Variants in IP6K3 observed in about 807,000 individuals in gnomAD.
The protein encoded by IP6K3 is inositol hexakisphosphate kinase 3, also known as ATP:1D-myo-inositol-hexakisphosphate phosphotransferase.
Under a neutral mutation model 28.8 loss-of-function variants are expected in IP6K3, and 20 were observed. The ratio of observed to expected loss-of-function variants is 0.70; its 90% CI spans 0.49 to 1.01. The LOEUF is 1.01. Ranked by LOEUF, IP6K3 falls within the 50% of genes least tolerant of loss-of-function variation. The probability of loss-of-function intolerance (pLI) is 0.00; values close to 1 mark genes in which losing one functional copy is unlikely to be tolerated. For missense variants in IP6K3, 480 were observed against 537.1 expected (o/e 0.89, Z 1.05); for synonymous variants, 213 against 221.3 (o/e 0.96, Z 0.33).
rs575019448 is a variant in IP6K3 at position 33,733,327 on chromosome 6, G to T, written c.199+1951C>A. ...GGGGCTGACCTGAAGGGGAAAGCAG[G>T]GTGGAGCAGAGGCCTGAACAGAGAT... On this transcript the variant is annotated intron_variant, in intron 2 of 5. Transcript: ENST00000293756. Among the ~76,000 whole-genome samples the T allele has an allele frequency of 5.2e-5, 8 of 152,382 alleles. No individual in the cohort carries two copies. The South Asian group carries it at 1.2e-3, about 24-fold the overall frequency.
chr6:33,747,210 G>T (rs994108027), upstream of IP6K3, among the ~76,000 whole-genome samples: 1 of 152,186 alleles, frequency 6.6e-6, no homozygotes, highest in Non-Finnish European at 1.5e-5. The surrounding 1 kb of genome is among the most constrained non-coding windows in gnomAD (Gnocchi z 5.2). Context: ...CAAAAGGAAA[G>T]GGGTGAGTCT....
the IP6K3 span, among the ~76,000 whole-genome samples, chr6:33,755,101 G>A: frequency 6.6e-6 from 1 of 152,150 alleles, no homozygotes; most frequent in Non-Finnish European, 1.5e-5. Flanking sequence ...AGGGTCGTGG[G>A]GCTCTCTTGA....
upstream of IP6K3, among the ~76,000 whole-genome samples, chr6:33,748,250 A>T (rs550074747): frequency 2.0e-5 from 3 of 151,900 alleles, no homozygotes; most frequent in African/African-American, 7.3e-5. Context: ...GTCCCTCCAG[A>T]CCTGTTGGTG....
the IP6K3 span, among the ~76,000 whole-genome samples, chr6:33,759,368 C>A: frequency 1.3e-4 from 20 of 152,216 alleles, no homozygotes; most frequent in Admixed American, 1.3e-3. Context: ...CCTCTGCCTC[C>A]CGCGGAGAGA....
rs746814270 is a variant in IP6K3, at chr6:33,723,018, A to T, written c.935T>A (p.Val312Asp). Reference protein sequence around the residue: ...ILHQLRALLSVIRSQSSYRFY... With the variant: ...ILHQLRALLSDIRSQSSYRFY... ...GCGGTATGAACTCTGGCTCCTAATGACAGAGAGGAGGGCCCGGAGCTGGTG... is the reference window on the plus strand; with the variant it reads ...GCGGTATGAACTCTGGCTCCTAATGTCAGAGAGGAGGGCCCGGAGCTGGTG... The change falls in exon 6 of 6, where the codon GTC (valine) becomes GAC (aspartate). Residue 312 changes from valine to aspartate, a missense_variant. Transcript: ENST00000293756. The T allele has an allele frequency of 1.4e-4, 220 of 1,613,926 alleles. No homozygotes were observed. Among genetic ancestry groups the T allele is most frequent in the Admixed American group, 8.8e-4 (53 of 59,986 alleles).
intron 3 of IP6K3, 78 bp from the exon 4 acceptor site, chr6:33,726,984 T>A: frequency 2.1e-6 from 3 of 1,412,990 alleles, no homozygotes; most frequent in Non-Finnish European, 2.9e-6. Flanking sequence ...GACTGGGCTC[T>A]CTGAGATGGG....
upstream of IP6K3, among the ~76,000 whole-genome samples, chr6:33,751,320 G>A (rs1253929008): frequency 6.6e-6 from 1 of 152,208 alleles, no homozygotes; most frequent in Non-Finnish European, 1.5e-5. This position sits in a 1 kb window ranked among gnomAD's most constrained non-coding sequence, Gnocchi z 4.3. Flanking sequence ...TAGAAGGGCC[G>A]GCCCAGACCA....
upstream of IP6K3, among the ~76,000 whole-genome samples, chr6:33,751,524 C>T (rs1767022846): frequency 9.3e-6 from 1 of 107,510 alleles, no homozygotes; most frequent in Admixed American, 9.4e-5. The surrounding 1 kb of genome is among the most constrained non-coding windows in gnomAD (Gnocchi z 4.3). Context: ...GTGTGTTTGG[C>T]CCCGGGAATG....
At position 33,742,488 on chromosome 6, in the gene IP6K3, C is replaced by T. The variant is rs74885253; in HGVS notation, c.-180+4270G>A. ...GCAGCATGCTGCTGGTGGGCAGTGT[C>T]TAACGAAGTGCTTGGCAGCGTGGAT... On this transcript the variant is annotated intron_variant, in intron 1 of 5. Coordinates refer to ENST00000293756, the MANE Select transcript of IP6K3 (RefSeq NM_054111.5). The surrounding 1 kb of genome is among the most constrained non-coding windows in gnomAD (Gnocchi z 4.5). Among the ~76,000 whole-genome samples, 239 of 152,286 alleles carry T rather than the reference C, an allele frequency of 1.6e-3. 4 individuals carry two copies. The East Asian group carries it at 0.024, about 15-fold the overall frequency.
chr6:33,726,807 G>A lies in IP6K3; in HGVS notation c.513C>T (p.Phe171=). Residue 171 remains phenylalanine, a synonymous_variant, in exon 4 of 6, where the codon TTC becomes TTT. Coordinates refer to ENST00000293756, the MANE Select transcript of IP6K3 (RefSeq NM_054111.5). ...GGTGGCATTGCAGGCCCCACGGGTTGAAGCTCTTCCTCTCAACCTGGTTTC... is the reference window on the plus strand; with the variant it reads ...GGTGGCATTGCAGGCCCCACGGGTTAAAGCTCTTCCTCTCAACCTGGTTTC... ...TNGNQVERKS[F]NPWGLQCHQA... 6.2e-7 allele frequency: 1 copy of A among 1,613,476 alleles called. No homozygotes were observed. The highest frequency in any genetic ancestry group is 1.1e-5 in the South Asian group (1 of 91,018).
At chr6:33,743,722 C>T (rs1320766031) in intron 1 of IP6K3, among the ~76,000 whole-genome samples, 3 of 152,060 alleles carry the variant, frequency 2.0e-5, no homozygotes, top group East Asian at 1.9e-4. Flanking sequence ...CTTTCCCAGC[C>T]GTGGCTGAAA....
intron 1 of IP6K3, chr6:33,739,366 C>T (rs1766640713): frequency 2.0e-5 from 3 of 152,112 alleles, no homozygotes; most frequent in African/African-American, 2.4e-5. Flanking sequence ...TGCAGGGCCT[C>T]CTGCTCCTGA....
At position 33,723,004 on chromosome 6, in the gene IP6K3, T is replaced by C. The variant is rs1339929497; in HGVS notation, c.949A>G (p.Ser317Gly). The C allele has an allele frequency of 6.2e-7, 1 of 1,613,928 alleles. No individual in the cohort carries two copies. Among genetic ancestry groups the C allele is most frequent in the Non-Finnish European group, 8.5e-7 (1 of 1,180,036 alleles). The change falls in exon 6 of 6, where the codon AGT becomes GGT. Residue 317 changes from serine (S) to glycine (G), a missense_variant. Physicochemically the swap from Ser to Gly is moderately conservative, Grantham distance 56. Coordinates refer to ENST00000293756, the MANE Select transcript of IP6K3 (RefSeq NM_054111.5). ...RALLSVIRSQ[S>G]SYRFYSSSLL... ...GAGCTGGAATAGAAGCGGTATGAAC[T>C]CTGGCTCCTAATGACAGAGAGGAGG...
At position 33,722,961 on chromosome 6, in the gene IP6K3, T is replaced by C; in HGVS notation, c.992A>G (p.Asp331Gly). 1 of 1,613,806 alleles carries C rather than the reference T, an allele frequency of 6.2e-7. No individual in the cohort carries two copies. Among genetic ancestry groups the C allele is most frequent in the Non-Finnish European group, 8.5e-7 (1 of 1,179,992 alleles). Reference protein sequence around the residue: ...FYSSSLLVIYDGQEPPERAPG... With the variant: ...FYSSSLLVIYGGQEPPERAPG... The stretch of plus-strand genomic sequence containing the variant: ...GGCTCTTTCTGGTGGTTCCTGCCCA[T>C]CATAGATGACAAGGAGAGAGCTGGA... Residue 331 changes from aspartate to glycine, a missense_variant, in exon 6 of 6, where the codon GAT becomes GGT. Transcript: ENST00000293756.
chr6:33,751,152 C>T (rs1456822120), upstream of IP6K3, among the ~76,000 whole-genome samples: 1 of 152,288 alleles, frequency 6.6e-6, no homozygotes, highest in Non-Finnish European at 1.5e-5. The surrounding 1 kb of genome is among the most constrained non-coding windows in gnomAD (Gnocchi z 4.3). Flanking sequence ...TGTGGCTAGG[C>T]GGCTTGTGGC....
At chr6:33,737,973 C>G (rs1311151154) in intron 1 of IP6K3, among the ~76,000 whole-genome samples, 1 of 152,226 alleles carries the variant, frequency 6.6e-6, no homozygotes, top group African/African-American at 2.4e-5. Context: ...ACAAAAAAAG[C>G]TGATAACTTC....
In IP6K3 at chr6:33,742,894, T is replaced by C. The variant is rs2127365259; in HGVS notation, c.-180+3864A>G. Among the ~76,000 whole-genome samples, 1 of 152,130 alleles carries C rather than the reference T, an allele frequency of 6.6e-6. No homozygotes were observed. The highest frequency in any genetic ancestry group is 2.1e-4 in the South Asian group (1 of 4,814). ...GTCCAGGAGGAGGGGAGATGTTGGCTCAGCCTTGGGGAGCTTGGGGAGGGC... is the reference window on the plus strand; with the variant it reads ...GTCCAGGAGGAGGGGAGATGTTGGCCCAGCCTTGGGGAGCTTGGGGAGGGC... On this transcript the variant is annotated intron_variant, in intron 1 of 5. Coordinates refer to ENST00000293756, the MANE Select transcript of IP6K3 (RefSeq NM_054111.5). This position sits in a 1 kb window ranked among gnomAD's most constrained non-coding sequence, Gnocchi z 4.5.
chr6:33,725,458 G>T lies in IP6K3; in HGVS notation c.748C>A (p.Arg250Ser). 2 of 1,611,060 alleles carry T rather than the reference G, an allele frequency of 1.2e-6. No individual in the cohort carries two copies. Among genetic ancestry groups the T allele is most frequent in the Non-Finnish European group, 1.7e-6 (2 of 1,179,652 alleles). Residue 250 changes from arginine to serine, a missense_variant, in exon 5 of 6, where the codon CGC (arginine) becomes AGC (serine). By Grantham distance (110) the Arg-to-Ser change is moderately radical (BLOSUM62 -1). Coordinates refer to ENST00000293756, the MANE Select transcript of IP6K3 (RefSeq NM_054111.5). ...AQSTSACLGV[R>S]ICGMQVYQTD... ...CGACCTACCTGCATGCCGCAGATGCGCACACCCAGGCAGGCTGAGGTGCTC... is the reference window on the plus strand; with the variant it reads ...CGACCTACCTGCATGCCGCAGATGCTCACACCCAGGCAGGCTGAGGTGCTC...
Position 33,726,735 on chromosome 6 carries a change from C to CCGCTTGTTCT in IP6K3, c.575_584dup (p.His196GlufsTer34). On this transcript the variant is annotated frameshift_variant, in exon 4 of 6. Transcript: ENST00000293756. LOFTEE classifies it high-confidence loss of function. ...TGAGGGGGATGGCAAGGATACGATGCCGCTTGTTCTCTGGGTACTCGGAGC... is the reference window on the plus strand; with the variant it reads ...TGAGGGGGATGGCAAGGATACGATGCCGCTTGTTCTCGCTTGTTCTCTGGGTACTCGGAGC... The CCGCTTGTTCT allele has an allele frequency of 6.3e-7, 1 of 1,582,560 alleles. No individual in the cohort carries two copies. The highest frequency in any genetic ancestry group is 8.6e-7 in the Non-Finnish European group (1 of 1,157,180).
Sources: gnomAD v4.1 joint callset for allele counts (sites outside exome capture counted in the v4.1 genomes callset) on GRCh38, gnomAD v4.1.1 for gene constraint, Gnocchi (gnomAD v3.1) non-coding constraint, MANE v1.5 for transcripts, NCBI Gene and HGNC (gene_info 2026-07-23, HGNC 2026-07-21) for gene names.